Variants in ATP1B3 observed in about 807,000 individuals in gnomAD.
The protein encoded by ATP1B3 is ATPase Na+/K+ transporting subunit beta 3, also known as sodium/potassium-transporting ATPase subunit beta-3.
Under a neutral mutation model 30.2 loss-of-function variants are expected in ATP1B3, and 10 were observed. The observed-to-expected ratio is 0.33, with a 90% confidence interval of 0.20 to 0.56. The LOEUF (loss-of-function observed/expected upper bound fraction) is 0.56. ATP1B3 is among the 20% of genes least tolerant of loss of function. The pLI is 0.90. For missense variants in ATP1B3, 238 were observed against 336.7 expected, an observed-to-expected ratio of 0.71 and a Z score of 2.29; for synonymous variants, 113 against 117.0, an observed-to-expected ratio of 0.97 and a Z score of 0.22.
chr3:141,900,436 G>A (rs1934141721), intron 1 of ATP1B3, among the ~76,000 whole-genome samples: 1 of 152,152 alleles, frequency 6.6e-6, no homozygotes, highest in Non-Finnish European at 1.5e-5. Context: ...AAACTGCCTT[G>A]CCTCCCAGAC....
At chr3:141,920,150 C>T (rs1240461218) in intron 5 of ATP1B3, among the ~76,000 whole-genome samples, 2 of 152,114 alleles carry the variant, frequency 1.3e-5, no homozygotes, top group East Asian at 3.8e-4. Context: ...TCTGCCACAC[C>T]TGATGGTCTT....
Position 141,916,005 on chromosome 3 carries a change from AGATT to A in ATP1B3, c.569_572del (p.Asp190ValfsTer11). On this transcript the variant is annotated frameshift_variant, in exon 5 of 7. Coordinates refer to ENST00000286371, the MANE Select transcript of ATP1B3 (RefSeq NM_001679.4). LOFTEE classifies it high-confidence loss of function. ...TAAAGCCTGAAGGAGTGCCAAGGAT[AGATT>A]GTGTTTCAAAGGTTAGTATTCAAAA... 1.2e-6 allele frequency: 2 copies of A among 1,606,402 alleles called. No homozygotes were observed. The highest frequency in any genetic ancestry group is 1.7e-6 in the Non-Finnish European group (2 of 1,176,090).
chr3:141,890,086 CTTT>C (rs1245235657), intron 1 of ATP1B3, among the ~76,000 whole-genome samples: 19 of 107,522 alleles, frequency 1.8e-4, no homozygotes, highest in Admixed American at 5.1e-4. Flanking sequence ...AATTTTTTTT[CTTT>C]TTTTTTTTTT....
At chr3:141,912,644 A>C (rs999488510) in intron 3 of ATP1B3, among the ~76,000 whole-genome samples, 1 of 152,162 alleles carries the variant, frequency 6.6e-6, no homozygotes, top group African/African-American at 2.4e-5. Flanking sequence ...AGGCACTGTT[A>C]TATCATATGT....
intron 1 of ATP1B3, among the ~76,000 whole-genome samples, chr3:141,880,538 T>G (rs1388386821): frequency 1.3e-5 from 2 of 152,176 alleles, no homozygotes; most frequent in Non-Finnish European, 2.9e-5. Flanking sequence ...AGAGTCAAAT[T>G]AATGAAGCTT....
rs78908834 is a variant in ATP1B3 at position 141,903,136 on chromosome 3, G to A, written c.110-484G>A. The A allele has an allele frequency of 5.0e-3, 774 of 154,798 alleles. 12 individuals carry two copies. Among genetic ancestry groups the A allele is most frequent in the Admixed American group, 0.038 (596 of 15,852 alleles). The allele number at this position is 154,798 out of a possible 1,614,324, so 9.6% of individuals were successfully genotyped here. ...CAAAGTGCTGGCATTACAGGTGGGA[G>A]CCATTAACTCACTTTTTAAAACTTA... On this transcript the variant is annotated intron_variant, in intron 1 of 6. Coordinates refer to ENST00000286371, the MANE Select transcript of ATP1B3 (RefSeq NM_001679.4).
In ATP1B3 at chr3:141,926,447, A is replaced by G. The variant is rs765221878; in HGVS notation, c.*746A>G. Reference sequence around the variant, plus strand: ...GACTTAATTTGTACAATAGTTTGTGAAATATCTTGTTACTGCTTTTATTTA... The same window carrying G: ...GACTTAATTTGTACAATAGTTTGTGGAATATCTTGTTACTGCTTTTATTTA... On this transcript the variant is annotated 3_prime_UTR_variant, in exon 7 of 7. Transcript: ENST00000286371. 10 of 152,300 alleles carry G rather than the reference A, an allele frequency of 6.6e-5. No individual in the cohort carries two copies. The highest frequency in any genetic ancestry group is 1.3e-4 in the Non-Finnish European group (9 of 68,014). 9.4% of individuals were successfully genotyped at this position (152,300 alleles called of 1,614,324 possible). A position where few individuals can be genotyped will look rare whatever the true frequency, so the allele number is the denominator to read the frequency against.
intron 1 of ATP1B3, 148 bp from the exon 2 acceptor site, chr3:141,903,472 C>A: frequency 8.3e-7 from 1 of 1,197,904 alleles, no homozygotes; most frequent in Non-Finnish European, 1.1e-6. Context: ...ATTTATGTGT[C>A]CTGAATATGA....
intron 3 of ATP1B3, among the ~76,000 whole-genome samples, chr3:141,908,437 C>G (rs928536052): frequency 6.6e-6 from 1 of 152,160 alleles, no homozygotes; most frequent in Admixed American, 6.6e-5. Flanking sequence ...TCTCCCACCC[C>G]GTCTTCCCTT....
At chr3:141,923,902 C>G (rs1934609523) in intron 6 of ATP1B3, among the ~76,000 whole-genome samples, 1 of 152,188 alleles carries the variant, frequency 6.6e-6, no homozygotes, top group South Asian at 2.1e-4. Context: ...ATGTTGAGTT[C>G]TCAGAGTGTC....
Position 141,902,303 on chromosome 3 carries a change from A to G in ATP1B3, c.110-1317A>G. ...GCTTTAACTATTTCCCCTTTACTTG[A>G]AAAAGGGGGTTGGGGGTGATTCCTG... is the stretch of plus-strand genomic sequence containing the variant. On this transcript the variant is annotated intron_variant, in intron 1 of 6. Transcript: ENST00000286371. 3 of 1,062,416 alleles carry G rather than the reference A, an allele frequency of 2.8e-6. No homozygotes were observed. In the Admixed American group the frequency reaches 6.9e-5, roughly 25 times the overall value. 65.8% of individuals were successfully genotyped at this position (1,062,416 alleles called of 1,614,324 possible). A position where few individuals can be genotyped will look rare whatever the true frequency, so the allele number is the denominator to read the frequency against.
intron 3 of ATP1B3, among the ~76,000 whole-genome samples, chr3:141,911,570 C>G (rs1436439002): frequency 6.6e-6 from 1 of 151,248 alleles, no homozygotes; most frequent in Non-Finnish European, 1.5e-5. Context: ...TCTCAGCTCA[C>G]TGCAACCACC....
intron 1 of ATP1B3, among the ~76,000 whole-genome samples, chr3:141,879,811 C>CT (rs150389395): frequency 0.042 from 2,418 of 57,898 alleles, 136 homozygotes; most frequent in African/African-American, 0.13. Flanking sequence ...TTGGTAACAG[C>CT]TTTTTTTTTT....
At chr3:141,902,155 G>T (rs1356388676) in intron 1 of ATP1B3, 1 of 1,289,812 alleles carries the variant, frequency 7.8e-7, no homozygotes, top group African/African-American at 1.5e-5. Context: ...ATGTGGTAGG[G>T]AAGTGATGCT....
At chr3:141,919,106 G>C (rs187860643) in intron 5 of ATP1B3, 1 of 152,258 alleles carries the variant, frequency 6.6e-6, no homozygotes, top group East Asian at 1.9e-4. Context: ...TATCATAATT[G>C]CAATTTTCTA....
intron 5 of ATP1B3, among the ~76,000 whole-genome samples, chr3:141,919,885 G>T (rs1934536261): frequency 6.6e-6 from 1 of 152,050 alleles, no homozygotes; most frequent in South Asian, 2.1e-4. Flanking sequence ...GTTGTAGTGA[G>T]CCATGATCGC....
In ATP1B3 at chr3:141,893,704, A is replaced by G. The variant is rs554766090; in HGVS notation, c.110-9916A>G. ...TATACACTCATGTATATGTGTGTGC[A>G]TATGCTGTATTCATGAAACTGTCAC... On this transcript the variant is annotated intron_variant, in intron 1 of 6. Transcript: ENST00000286371. 2.6e-4 allele frequency among the ~76,000 whole-genome samples: 40 copies of G among 152,334 alleles called. No individual in the cohort carries two copies. In the East Asian group the frequency reaches 7.1e-3, roughly 27 times the overall value.
In ATP1B3 at chr3:141,876,813, CGAG is replaced by C. The variant is rs948076354; in HGVS notation, c.13_15del (p.Glu5del). The C allele has an allele frequency of 1.3e-6, 2 of 1,590,074 alleles. No homozygotes were observed. Among genetic ancestry groups the C allele is most frequent in the Non-Finnish European group, 1.7e-6 (2 of 1,167,608 alleles). On this transcript the variant is annotated inframe_deletion, in exon 1 of 7. Coordinates refer to ENST00000286371, the MANE Select transcript of ATP1B3 (RefSeq NM_001679.4). The stretch of plus-strand genomic sequence containing the variant: ...TCCGCGCGCACACCATGACGAAGAA[CGAG>C]AAGAAGTCCCTCAACCAGAGCCTGG...
chr3:141,900,375 A>C (rs776234410), intron 1 of ATP1B3, among the ~76,000 whole-genome samples: 1 of 152,182 alleles, frequency 6.6e-6, no homozygotes, highest in Non-Finnish European at 1.5e-5. Flanking sequence ...AGGTTAGGAA[A>C]CACATGTGCT....
Sources: gnomAD v4.1 joint callset for allele counts (sites outside exome capture counted in the v4.1 genomes callset) on GRCh38, gnomAD v4.1.1 for gene constraint, MANE v1.5 for transcripts, NCBI Gene and HGNC (gene_info 2026-07-23, HGNC 2026-07-21) for gene names.